The following FAM78B variants were observed in gnomAD, a reference collection of about 807,000 sequenced individuals.
The protein encoded by FAM78B is family with sequence similarity 78 member B.
Under a neutral mutation model 20.0 loss-of-function variants are expected in FAM78B, and 10 were observed. The ratio of observed to expected loss-of-function variants is 0.50; its 90% CI spans 0.31 to 0.85. The LOEUF is 0.85. Among genes scored for constraint, FAM78B ranks in the 40% least tolerant of loss-of-function variants. The pLI is 0.05. For synonymous variants in FAM78B, 135 were observed against 132.8 expected (o/e 1.02, Z -0.12); for missense variants, 283 against 345.0 (o/e 0.82, Z 1.42).
At chr1:166,104,180 A>G (rs1171694870) in intron 1 of FAM78B, among the ~76,000 whole-genome samples, 1 of 152,200 alleles carries the variant, frequency 6.6e-6, no homozygotes, top group African/African-American at 2.4e-5. Flanking sequence ...CTCTCAATAA[A>G]TTAGGTATTG....
chr1:166,127,190 G>T (rs571188989), intron 1 of FAM78B, among the ~76,000 whole-genome samples: 1 of 152,198 alleles, frequency 6.6e-6, no homozygotes, highest in Non-Finnish European at 1.5e-5. Context: ...ATGTCCAAGG[G>T]CTTTGAAAAG....
At chr1:166,120,208 C>A (rs941519988) in intron 1 of FAM78B, among the ~76,000 whole-genome samples, 2 of 152,192 alleles carry the variant, frequency 1.3e-5, no homozygotes, top group African/African-American at 4.8e-5. Flanking sequence ...CTCACACAGC[C>A]ATAAGGTCAG....
intron 1 of FAM78B, among the ~76,000 whole-genome samples, chr1:166,128,207 T>TTCTA (rs1553221952): frequency 4.1e-5 from 1 of 24,244 alleles, no homozygotes; most frequent in African/African-American, 1.6e-4. Context: ...TTTATTCCTC[T>TTCTA]TTTATTTATT....
chr1:166,109,838 A>ATATATATATATATATATATG (rs1469856162), intron 1 of FAM78B, among the ~76,000 whole-genome samples: 6 of 21,188 alleles, frequency 2.8e-4, no homozygotes, highest in Non-Finnish European at 3.7e-4. Flanking sequence ...ATATGTATAT[A>ATATATATATATATATATATG]TGTATATATA....
chr1:166,166,283 G>A lies in FAM78B; in HGVS notation c.-35C>T, dbSNP rs1177617436. The A allele has an allele frequency of 7.3e-6, 9 of 1,230,526 alleles. No homozygotes were observed. The African/African-American group carries it at 1.3e-4, about 17-fold the overall frequency. The allele number at this position is 1,230,526 out of a possible 1,614,324, so 76.2% of individuals were successfully genotyped here. A position where few individuals can be genotyped will look rare whatever the true frequency, so the allele number is the denominator to read the frequency against. ...CGGTGCCGGCACGGCGCGGCGTGGG[G>A]CAGCGCGGGGGCCCGCGCGGGCAGC... On this transcript the variant is annotated 5_prime_UTR_variant, in exon 1 of 2. Coordinates refer to ENST00000354422, the MANE Select transcript of FAM78B (RefSeq NM_001017961.5).
chr1:166,124,467 A>G (rs1571184868), intron 1 of FAM78B, among the ~76,000 whole-genome samples: 1 of 152,190 alleles, frequency 6.6e-6, no homozygotes, highest in Non-Finnish European at 1.5e-5. Context: ...TAACAACCCT[A>G]TGAGGTGGGT....
intron 1 of FAM78B, among the ~76,000 whole-genome samples, chr1:166,149,447 A>G (rs914552953): frequency 6.6e-6 from 1 of 152,162 alleles, no homozygotes; most frequent in Non-Finnish European, 1.5e-5. Context: ...AGGTCTTTTC[A>G]GCTTCAGAAG....
At chr1:166,134,904 G>A (rs572568980) in intron 1 of FAM78B, among the ~76,000 whole-genome samples, 2 of 152,264 alleles carry the variant, frequency 1.3e-5, no homozygotes, top group South Asian at 2.1e-4. Context: ...TACCTACAGC[G>A]TAAAGTACTG....
chr1:166,105,789 T>A (rs1653751733), intron 1 of FAM78B, among the ~76,000 whole-genome samples: 1 of 151,602 alleles, frequency 6.6e-6, no homozygotes, highest in Non-Finnish European at 1.5e-5. Flanking sequence ...ATTGTGGAAG[T>A]CAGTGTGGCG....
intron 1 of FAM78B, among the ~76,000 whole-genome samples, chr1:166,092,097 C>G (rs1251721023): frequency 1.4e-5 from 2 of 143,302 alleles, no homozygotes; most frequent in Admixed American, 1.4e-4. Context: ...GTCTATCTTT[C>G]TGAGGAATTT....
chr1:166,095,496 G>C (rs562501686), intron 1 of FAM78B, among the ~76,000 whole-genome samples: 1 of 152,302 alleles, frequency 6.6e-6, no homozygotes, highest in South Asian at 2.1e-4. Context: ...GGTGCCTTTG[G>C]GGGCATGTGT....
At chr1:166,138,133 G>A (rs1655139114) in intron 1 of FAM78B, among the ~76,000 whole-genome samples, 2 of 152,286 alleles carry the variant, frequency 1.3e-5, no homozygotes, top group East Asian at 3.9e-4. Flanking sequence ...ACAGAAAGAG[G>A]ATGACGGCAG....
At chr1:166,133,677 C>T (rs1654962480) in intron 1 of FAM78B, among the ~76,000 whole-genome samples, 1 of 151,614 alleles carries the variant, frequency 6.6e-6, no homozygotes, top group Non-Finnish European at 1.5e-5. Flanking sequence ...TATTCCAGTG[C>T]TAATCTTATG....
chr1:166,142,154 C>T (rs1466684554), intron 1 of FAM78B, among the ~76,000 whole-genome samples: 1 of 152,102 alleles, frequency 6.6e-6, no homozygotes, highest in Non-Finnish European at 1.5e-5. Context: ...AGAGCTATAC[C>T]CAGGCAGGTC....
chr1:166,087,438 G>A (rs922739849), intron 1 of FAM78B: 5 of 152,132 alleles, frequency 3.3e-5, no homozygotes, highest in African/African-American at 9.7e-5. Context: ...AACCATGGAG[G>A]CAGGATTCTC....
intron 1 of FAM78B, among the ~76,000 whole-genome samples, chr1:166,085,233 G>GT (rs1462593534): frequency 2.0e-5 from 3 of 152,220 alleles, no homozygotes; most frequent in South Asian, 4.1e-4. Context: ...GACACGACTA[G>GT]TTTTTTTGTG....
chr1:166,161,074 T>C (rs184332252), intron 1 of FAM78B, among the ~76,000 whole-genome samples: 5 of 152,218 alleles, frequency 3.3e-5, no homozygotes, highest in Non-Finnish European at 5.9e-5. Flanking sequence ...TGAGTTGGGA[T>C]AAAGTTGGTT....
rs547888650 is a variant in FAM78B, at chr1:166,126,957, T to C, written c.263+39029A>G. 2.0e-5 allele frequency among the ~76,000 whole-genome samples: 3 copies of C among 152,280 alleles called. No individual in the cohort carries two copies. In the South Asian group the frequency reaches 6.2e-4, roughly 32 times the overall value. ...CCCCTGTCAACCAACTTAGGCACAG[T>C]AGGACCTAAGACTCAGATATTTGTG... On this transcript the variant is annotated intron_variant, in intron 1 of 1. Transcript: ENST00000354422.
chr1:166,157,974 A>T (rs1204134312), intron 1 of FAM78B, among the ~76,000 whole-genome samples: 1 of 152,204 alleles, frequency 6.6e-6, no homozygotes, highest in Non-Finnish European at 1.5e-5. Flanking sequence ...CTTACAGCTA[A>T]CCACCAATGC....
Sources: allele counts gnomAD v4.1 joint callset (sites outside exome capture counted in the v4.1 genomes callset), GRCh38; gene constraint gnomAD v4.1.1; transcripts MANE v1.5; gene names NCBI Gene and HGNC (gene_info 2026-07-23, HGNC 2026-07-21).